Variants in PCCA observed in about 807,000 individuals in gnomAD.
PCCA encodes the protein propionyl-CoA carboxylase subunit alpha.
Under a neutral mutation model 101.3 loss-of-function variants are expected in PCCA, and 74 were observed. The ratio of observed to expected loss-of-function variants is 0.73; its 90% confidence interval spans 0.61 to 0.89. The LOEUF (loss-of-function observed/expected upper bound fraction) is 0.89. PCCA is among the 40% of genes least tolerant of loss of function. PCCA has a pLI of 0.00. For missense variants in PCCA, 891 were observed against 907.0 expected (o/e 0.98, Z 0.23); for synonymous variants, 294 against 313.6 (o/e 0.94, Z 0.66).
chr13:100,309,790 T>C (rs769815986), intron 15 of PCCA, 43 bp from the exon 16 acceptor site: 91 of 1,179,508 alleles, frequency 7.7e-5, no homozygotes, highest in Non-Finnish European at 1.1e-4. Context: ...AACATAGTTC[T>C]AAATATATAT....
intron 19 of PCCA, among the ~76,000 whole-genome samples, chr13:100,402,169 A>G (rs912410717): frequency 3.3e-5 from 5 of 152,214 alleles, no homozygotes; most frequent in African/African-American, 4.8e-5. Context: ...AATACTTTAT[A>G]GGACATTACA....
At chr13:100,367,646 T>G (rs541097652) in intron 18 of PCCA, among the ~76,000 whole-genome samples, 4,357 of 140,608 alleles carry the variant, frequency 0.031, 150 homozygotes, top group African/African-American at 0.11. Context: ...TTTTTTTTTG[T>G]TTTTTTTTTT....
chr13:100,244,189 A>G (rs977194049), intron 8 of PCCA, among the ~76,000 whole-genome samples: 2 of 152,238 alleles, frequency 1.3e-5, no homozygotes, highest in Non-Finnish European at 2.9e-5. Context: ...GTTAAAGAAA[A>G]TGGCATTAAA....
intron 22 of PCCA, 128 bp downstream of exon 22, chr13:100,515,695 A>G: frequency 9.3e-7 from 1 of 1,071,292 alleles, no homozygotes; most frequent in South Asian, 1.3e-5. Context: ...CCTAAACAGC[A>G]AAATCGATTG....
chr13:100,173,489 G>T (rs1032674456), intron 6 of PCCA, among the ~76,000 whole-genome samples: 5 of 152,174 alleles, frequency 3.3e-5, no homozygotes, highest in Admixed American at 1.3e-4. Flanking sequence ...GTGCCAGAAA[G>T]CAACTTGGTA....
At chr13:100,492,536 C>T (rs2084982213) in intron 21 of PCCA, among the ~76,000 whole-genome samples, 2 of 151,748 alleles carry the variant, frequency 1.3e-5, no homozygotes, top group Admixed American at 1.3e-4. Context: ...TCACCCCTAG[C>T]ACCATCTTGA....
At chr13:100,464,277 C>G (rs2082359561) in intron 21 of PCCA, among the ~76,000 whole-genome samples, 1 of 152,180 alleles carries the variant, frequency 6.6e-6, no homozygotes, top group Non-Finnish European at 1.5e-5. Context: ...ATTTGAATCG[C>G]AGATCACCTG....
At chr13:100,214,363 C>T (rs933354480) in intron 7 of PCCA, among the ~76,000 whole-genome samples, 1 of 151,190 alleles carries the variant, frequency 6.6e-6, no homozygotes, top group Admixed American at 6.6e-5. Context: ...AATCTCTTTG[C>T]ATCTTTTGTG....
chr13:100,246,502 A>T (rs1482841573), intron 8 of PCCA, among the ~76,000 whole-genome samples: 2 of 151,686 alleles, frequency 1.3e-5, no homozygotes, highest in Non-Finnish European at 2.9e-5. Flanking sequence ...TTGTTTTTGT[A>T]TTTTTTGTAG....
chr13:100,193,964 G>A (rs1043993571), intron 6 of PCCA, among the ~76,000 whole-genome samples: 7 of 151,996 alleles, frequency 4.6e-5, no homozygotes, highest in African/African-American at 7.2e-5. Flanking sequence ...CCAGCTACTC[G>A]GGAGGCTGAG....
intron 12 of PCCA, among the ~76,000 whole-genome samples, chr13:100,281,739 G>A (rs1330717141): frequency 3.3e-5 from 5 of 151,932 alleles, no homozygotes; most frequent in Admixed American, 2.0e-4. Flanking sequence ...CTAATTTAAA[G>A]CATTATCTTT....
At chr13:100,196,242 C>T (rs561676989) in intron 6 of PCCA, among the ~76,000 whole-genome samples, 2 of 151,954 alleles carry the variant, frequency 1.3e-5, no homozygotes, top group South Asian at 2.1e-4. Context: ...GTCAGAAACC[C>T]GAAACATTTA....
intron 4 of PCCA, 114 bp from the exon 5 acceptor site, chr13:100,154,865 C>T (rs983391662): frequency 1.2e-5 from 9 of 773,606 alleles, no homozygotes; most frequent in African/African-American, 3.4e-5. Flanking sequence ...AAAAGAAATA[C>T]GACTCTATAA....
At chr13:100,276,405 CT>C (rs1190997068) in intron 12 of PCCA, among the ~76,000 whole-genome samples, 3 of 151,796 alleles carry the variant, frequency 2.0e-5, no homozygotes, top group Non-Finnish European at 4.4e-5. Flanking sequence ...GTTAGATTTC[CT>C]TTAACTTTTT....
chr13:100,394,243 C>T lies in PCCA; in HGVS notation c.1746+25669C>T, dbSNP rs936706249. On this transcript the variant is annotated intron_variant, in intron 19 of 23. Transcript: ENST00000376285. This position sits in a 1 kb window ranked among gnomAD's most constrained non-coding sequence, Gnocchi z 4.3. Reference sequence around the variant, plus strand: ...CATTCATCCATAACTAGAAACACCTCGCTTCAAACGGGTTTCTTCAAAGAA... The same window carrying T: ...CATTCATCCATAACTAGAAACACCTTGCTTCAAACGGGTTTCTTCAAAGAA... Among the ~76,000 whole-genome samples the T allele has an allele frequency of 1.2e-4, 19 of 152,186 alleles. No individual in the cohort carries two copies. The highest frequency in any genetic ancestry group is 1.2e-3 in the Admixed American group (18 of 15,274).
chr13:100,332,991 T>C (rs1365272088), intron 17 of PCCA, among the ~76,000 whole-genome samples: 2 of 152,232 alleles, frequency 1.3e-5, no homozygotes, highest in East Asian at 3.8e-4. Flanking sequence ...CTTTGAGTTA[T>C]GCTGGGGTTC....
rs1239232034 is a variant in PCCA at position 100,169,363 on chromosome 13, C to T, written c.468+12023C>T. On this transcript the variant is annotated intron_variant, in intron 6 of 23. Coordinates refer to ENST00000376285, the MANE Select transcript of PCCA (RefSeq NM_000282.4). ...AGCTGAGGTAGGAGAATCGCTGGAA[C>T]CCAGGAGGCAGAGGTTGCAGTGAGC... 2.0e-4 allele frequency among the ~76,000 whole-genome samples: 30 copies of T among 150,076 alleles called. 1 individual carries two copies. The highest frequency in any genetic ancestry group is 4.4e-5 in the Non-Finnish European group (3 of 67,780).
intron 18 of PCCA, among the ~76,000 whole-genome samples, chr13:100,354,288 GGAGAGA>G (rs1201237921): frequency 1.6e-5 from 2 of 128,880 alleles, no homozygotes; most frequent in African/African-American, 2.8e-5. Flanking sequence ...AAAGAAAGAA[GGAGAGA>G]GAGAGAGAGA....
rs547377106 is a variant in PCCA at position 100,172,548 on chromosome 13, TC to T, written c.468+15210del. ...AAAGACTATGTAGTTTTATTATCAT[TC>T]CTGCCGTCATCATCCTTGATCATAC... On this transcript the variant is annotated intron_variant, in intron 6 of 23. Transcript: ENST00000376285. Among the ~76,000 whole-genome samples, 79 of 152,348 alleles carry T rather than the reference TC, an allele frequency of 5.2e-4. 1 individual carries two copies. Among genetic ancestry groups the T allele is most frequent in the African/African-American group, 1.8e-3 (74 of 41,582 alleles).
Sources: allele counts gnomAD v4.1 joint callset (sites outside exome capture counted in the v4.1 genomes callset), GRCh38; gene constraint gnomAD v4.1.1; non-coding constraint Gnocchi (gnomAD v3.1); transcripts MANE v1.5; gene names NCBI Gene and HGNC (gene_info 2026-07-23, HGNC 2026-07-21).